Variants in PRR5 observed in about 807,000 individuals in gnomAD.
PRR5 encodes proline-rich protein 5.
A neutral mutation model predicts 30.6 loss-of-function variants in PRR5; 25 were observed. That is an observed-to-expected ratio of 0.82 (90% CI 0.60 to 1.14). The LOEUF is 1.14. Ranked by LOEUF, PRR5 falls within the 50% of genes most tolerant of loss-of-function variation. The probability of loss-of-function intolerance (pLI) is 0.00; values close to 1 mark genes in which losing one functional copy is unlikely to be tolerated. For missense variants in PRR5, 600 were observed against 547.1 expected (o/e 1.10, Z -0.96); for synonymous variants, 286 against 247.1 (o/e 1.16, Z -1.48).
intron 2 of PRR5, among the ~76,000 whole-genome samples, chr22:44,719,039 G>A (rs1017669292): frequency 1.3e-5 from 2 of 150,664 alleles, no homozygotes. Context: ...CCCGTCCTTT[G>A]ATCACCTTTC....
chr22:44,724,330 G>A (rs1307212394), intron 2 of PRR5, among the ~76,000 whole-genome samples: 1 of 152,154 alleles, frequency 6.6e-6, no homozygotes, highest in African/African-American at 2.4e-5. Context: ...CAGCTACTCA[G>A]GAGGCTGAGG....
At chr22:44,734,907 G>T in intron 6 of PRR5, 120 bp from the exon 7 acceptor site, 1 of 1,357,306 alleles carries the variant, frequency 7.4e-7, no homozygotes, top group Non-Finnish European at 1.0e-6. Flanking sequence ...GAGAGCCTGT[G>T]GGAATGGGGA....
intron 2 of PRR5, among the ~76,000 whole-genome samples, chr22:44,720,780 G>A (rs1048033511): frequency 6.6e-6 from 1 of 152,192 alleles, no homozygotes; most frequent in African/African-American, 2.4e-5. Flanking sequence ...TGCTCAGCCA[G>A]TGATGCCCCT....
At chr22:44,707,232 G>A (rs1315446947) in intron 1 of PRR5, among the ~76,000 whole-genome samples, 1 of 152,248 alleles carries the variant, frequency 6.6e-6, no homozygotes, top group East Asian at 1.9e-4. Flanking sequence ...CGTGCTCTTG[G>A]GCTGCGGGGC....
At chr22:44,702,643 T>G (rs1926514393) in intron 1 of PRR5, 35 bp downstream of exon 1, 25 of 1,263,516 alleles carry the variant, frequency 2.0e-5, no homozygotes, top group Non-Finnish European at 2.5e-5. Context: ...CCGGAGGCCC[T>G]GGAGCCGGGG....
At chr22:44,672,637 G>A (rs148924543), upstream of PRR5, among the ~76,000 whole-genome samples, 242 of 152,180 alleles carry the variant, frequency 1.6e-3, no homozygotes, top group African/African-American at 5.6e-3. Context: ...TATTTGTCTC[G>A]GCACAGAGGG....
At chr22:44,729,386 C>A (rs1009643041) in intron 4 of PRR5, 8 of 985,004 alleles carry the variant, frequency 8.1e-6, no homozygotes, top group Non-Finnish European at 9.6e-6. Context: ...ACAGCGAGAA[C>A]CCCAGAGTGG....
upstream of PRR5, among the ~76,000 whole-genome samples, chr22:44,701,434 A>C (rs1019567402): frequency 5.3e-5 from 8 of 152,252 alleles, no homozygotes; most frequent in Non-Finnish European, 1.2e-4. Flanking sequence ...GGAGAAGAAT[A>C]ATCTCTACCT....
chr22:44,729,667 G>A (rs1921562964), intron 4 of PRR5: 7 of 985,308 alleles, frequency 7.1e-6, no homozygotes, highest in Admixed American at 1.2e-4. Context: ...CCACAGAGGG[G>A]CCCCCACAGG....
chr22:44,669,822 G>A (rs1464241272), intron 1 of PRR5, among the ~76,000 whole-genome samples: 1 of 152,144 alleles, frequency 6.6e-6, no homozygotes. Context: ...TGATGCTCTT[G>A]GTGGGAGAGT....
upstream of PRR5, chr22:44,702,125 C>CCCT: frequency 1.2e-5 from 3 of 242,276 alleles, no homozygotes; most frequent in Non-Finnish European, 2.1e-5. Context: ...GCCCCGCCCG[C>CCCT]GATGCCCCCG....
intron 1 of PRR5, among the ~76,000 whole-genome samples, chr22:44,679,134 G>A (rs1924034412): frequency 1.3e-5 from 2 of 152,108 alleles, no homozygotes; most frequent in African/African-American, 4.8e-5. Context: ...GGAGATACGT[G>A]CGGCCACCCC....
At position 44,714,761 on chromosome 22, in the gene PRR5, G is replaced by A. The variant is rs117491737; in HGVS notation, c.215+90G>A. On this transcript the variant is annotated intron_variant, in intron 2 of 7. Coordinates refer to ENST00000336985, the MANE Select transcript of PRR5 (RefSeq NM_181333.4). ...AAGGCCCCAGCCAGGCCCCTGACCC[G>A]CCAGCCACGCCTGTGCTTCCTCCCC... is the stretch of plus-strand genomic sequence containing the variant. 2,931 of 1,499,528 alleles carry A rather than the reference G, an allele frequency of 2.0e-3. 3 individuals are homozygous for A. The highest frequency in any genetic ancestry group is 2.5e-3 in the Non-Finnish European group (2,805 of 1,102,368). The allele number at this position is 1,499,528 out of a possible 1,614,324, so 92.9% of individuals were successfully genotyped here. A position where few individuals can be genotyped will look rare whatever the true frequency, so the allele number is the denominator to read the frequency against.
Position 44,681,803 on chromosome 22 carries a change from G to A in PRR5, c.-11+4563G>A, listed in dbSNP as rs544403529. Among the ~76,000 whole-genome samples, 5 of 152,294 alleles carry A rather than the reference G, an allele frequency of 3.3e-5. No individual in the cohort carries two copies. In the South Asian group the frequency reaches 1.0e-3, roughly 32 times the overall value. On this transcript the variant is annotated intron_variant, in intron 1 of 8. Transcript: ENST00000006251. Reference sequence around the variant, plus strand: ...GTGTAGCTGTGCAGAGGGTGCTGTGGGGCTCACGGAGGGCTGAGGCAGGAG... The same window carrying A: ...GTGTAGCTGTGCAGAGGGTGCTGTGAGGCTCACGGAGGGCTGAGGCAGGAG...
intron 1 of PRR5, among the ~76,000 whole-genome samples, chr22:44,694,031 G>T (rs1345670499): frequency 6.6e-6 from 1 of 152,040 alleles, no homozygotes; most frequent in Non-Finnish European, 1.5e-5. Context: ...CCATCTGTCC[G>T]AATACTGTCA....
At chr22:44,705,749 C>T (rs191675093) in intron 1 of PRR5, among the ~76,000 whole-genome samples, 1 of 152,090 alleles carries the variant, frequency 6.6e-6, no homozygotes, top group African/African-American at 2.4e-5. Context: ...CGCAGCCTCC[C>T]TAATAGCTGG....
intron 1 of PRR5, among the ~76,000 whole-genome samples, chr22:44,705,646 A>G (rs1158848441): frequency 6.6e-6 from 1 of 151,326 alleles, no homozygotes; most frequent in Non-Finnish European, 1.5e-5. Context: ...TTCTTTTGAG[A>G]CGGAATCTTG....
intron 1 of PRR5, among the ~76,000 whole-genome samples, chr22:44,711,813 AGATGCAGG>A (rs1306904140): frequency 3.9e-5 from 6 of 152,132 alleles, no homozygotes; most frequent in Non-Finnish European, 5.9e-5. Context: ...CTCTCCCAGC[AGATGCAGG>A]GCTGGGTGGA....
chr22:44,703,280 G>C (rs939261368), intron 1 of PRR5, among the ~76,000 whole-genome samples: 1 of 151,094 alleles, frequency 6.6e-6, no homozygotes, highest in African/African-American at 2.4e-5. Flanking sequence ...AGGAAAATGA[G>C]AGGCAGGAGA....
Sources: gnomAD v4.1 joint callset for allele counts (sites outside exome capture counted in the v4.1 genomes callset) on GRCh38, gnomAD v4.1.1 for gene constraint, MANE v1.5 for transcripts, NCBI Gene and HGNC (gene_info 2026-07-23, HGNC 2026-07-21) for gene names.